The following UNC5C variants were observed in gnomAD, a reference collection of about 807,000 sequenced individuals.
UNC5C encodes the protein netrin receptor UNC5C.
UNC5C carries 47 observed loss-of-function variants against 99.8 expected under a neutral mutation model. That is an observed-to-expected ratio of 0.47 (90% CI 0.37 to 0.60). The LOEUF (loss-of-function observed/expected upper bound fraction) is 0.60, where lower values mean the gene tolerates loss of function less well. UNC5C is among the 20% of genes least tolerant of loss of function. The pLI is 0.00. For missense variants in UNC5C, 1,062 were observed against 1,165.9 expected (o/e 0.91, Z 1.30); for synonymous variants, 487 against 452.2 (o/e 1.08, Z -0.98).
chr4:95,280,236 ATT>A (rs1741007426), intron 3 of UNC5C, among the ~76,000 whole-genome samples: 1 of 152,156 alleles, frequency 6.6e-6, no homozygotes, highest in South Asian at 2.1e-4. Flanking sequence ...ATATTGTTGA[ATT>A]TCTCAGCAGA....
At chr4:95,493,607 ATTTC>A (rs1721561283) in intron 1 of UNC5C, among the ~76,000 whole-genome samples, 1 of 151,368 alleles carries the variant, frequency 6.6e-6, no homozygotes, top group South Asian at 2.1e-4. Flanking sequence ...TTTAAAAAAA[ATTTC>A]TTTCAAATTT....
At chr4:95,539,679 C>T (rs1354732330) in intron 1 of UNC5C, among the ~76,000 whole-genome samples, 1 of 152,096 alleles carries the variant, frequency 6.6e-6, no homozygotes, top group Non-Finnish European at 1.5e-5. Context: ...TTTGTGTAAG[C>T]ACATATATGC....
chr4:95,331,049 T>C (rs187599065), intron 2 of UNC5C, among the ~76,000 whole-genome samples: 3 of 152,248 alleles, frequency 2.0e-5, no homozygotes, highest in East Asian at 3.9e-4. Flanking sequence ...CTCTCACAAG[T>C]GAGAATATGT....
chr4:95,236,739 TC>T (rs1418255735), intron 7 of UNC5C, among the ~76,000 whole-genome samples: 16 of 152,290 alleles, frequency 1.1e-4, no homozygotes, highest in Non-Finnish European at 1.6e-4. Flanking sequence ...CATATATAAA[TC>T]CATATTCTGC....
At chr4:95,376,001 C>T (rs554363069) in intron 1 of UNC5C, among the ~76,000 whole-genome samples, 3 of 151,836 alleles carry the variant, frequency 2.0e-5, no homozygotes, top group South Asian at 4.2e-4. Context: ...TGCAGTGAGC[C>T]GAGATCATGC....
intron 1 of UNC5C, among the ~76,000 whole-genome samples, chr4:95,336,487 T>G (rs1743342732): frequency 6.6e-6 from 1 of 151,926 alleles, no homozygotes; most frequent in African/African-American, 2.4e-5. Context: ...GTACGTATAT[T>G]CAGTAGTAAA....
intron 2 of UNC5C, among the ~76,000 whole-genome samples, chr4:95,311,674 T>A (rs556672944): frequency 6.6e-6 from 1 of 152,324 alleles, no homozygotes; most frequent in East Asian, 1.9e-4. Flanking sequence ...AGTCATTCAT[T>A]CAATAGATAT....
intron 2 of UNC5C, among the ~76,000 whole-genome samples, chr4:95,303,638 T>G (rs1741956159): frequency 6.6e-6 from 1 of 152,218 alleles, no homozygotes; most frequent in Admixed American, 6.5e-5. Context: ...ATCGCACCAC[T>G]GCACTTCAGC....
At chr4:95,243,388 T>A (rs1224310733) in intron 6 of UNC5C, among the ~76,000 whole-genome samples, 1 of 152,080 alleles carries the variant, frequency 6.6e-6, no homozygotes, top group Non-Finnish European at 1.5e-5. Flanking sequence ...ACAACTTAAG[T>A]CTCAGTTTGA....
At chr4:95,302,212 T>C (rs1386136418) in intron 2 of UNC5C, among the ~76,000 whole-genome samples, 1 of 152,210 alleles carries the variant, frequency 6.6e-6, no homozygotes, top group African/African-American at 2.4e-5. Flanking sequence ...GTGTTTCAAT[T>C]AAATGGCACA....
chr4:95,348,464 T>C (rs1238267152), intron 1 of UNC5C, among the ~76,000 whole-genome samples: 3 of 151,634 alleles, frequency 2.0e-5, no homozygotes, highest in African/African-American at 7.3e-5. Flanking sequence ...TGCACTCCCA[T>C]GTTCATTGTA....
intron 1 of UNC5C, among the ~76,000 whole-genome samples, chr4:95,337,265 T>C (rs980842170): frequency 2.0e-5 from 3 of 152,082 alleles, no homozygotes; most frequent in African/African-American, 7.2e-5. Flanking sequence ...ACATAAAACA[T>C]GTGACTGTAT....
rs538139627 is a variant in UNC5C, at chr4:95,400,965, T to C, written c.125-65334A>G. 3.3e-5 allele frequency among the ~76,000 whole-genome samples: 5 copies of C among 152,346 alleles called. No homozygotes were observed. In the South Asian group the frequency reaches 8.3e-4, roughly 25 times the overall value. On this transcript the variant is annotated intron_variant, in intron 1 of 15. Coordinates refer to ENST00000453304, the MANE Select transcript of UNC5C (RefSeq NM_003728.4). ...CTGCCAAATCACATATGGAGCCAAA[T>C]TGCCAGCAAACGGATTCTTTCTTCA...
At chr4:95,341,999 C>T (rs570739463) in intron 1 of UNC5C, among the ~76,000 whole-genome samples, 6 of 152,282 alleles carry the variant, frequency 3.9e-5, no homozygotes, top group South Asian at 2.1e-4. Context: ...CCATCCTTAC[C>T]GTCAGAACCT....
chr4:95,383,752 G>T (rs1287286349), intron 1 of UNC5C, among the ~76,000 whole-genome samples: 3 of 152,074 alleles, frequency 2.0e-5, no homozygotes. Context: ...TATTGCATTT[G>T]TGATAAAATT....
chr4:95,261,809 T>C (rs1740244807), intron 4 of UNC5C, among the ~76,000 whole-genome samples: 1 of 151,998 alleles, frequency 6.6e-6, no homozygotes, highest in Non-Finnish European at 1.5e-5. Flanking sequence ...GTTCAAGCAA[T>C]TCTCCTACCT....
At chr4:95,187,889 T>A (rs991549941) in intron 12 of UNC5C, among the ~76,000 whole-genome samples, 5 of 152,072 alleles carry the variant, frequency 3.3e-5, no homozygotes, top group African/African-American at 1.2e-4. Context: ...ACATAAACCC[T>A]GGGGAAAGAC....
At chr4:95,481,761 G>T (rs1389413601) in intron 1 of UNC5C, among the ~76,000 whole-genome samples, 1 of 152,100 alleles carries the variant, frequency 6.6e-6, no homozygotes, top group East Asian at 1.9e-4. Context: ...AATGGGGAAA[G>T]GATTCCCTAT....
At chr4:95,523,983 C>G (rs926601047) in intron 1 of UNC5C, among the ~76,000 whole-genome samples, 1 of 152,136 alleles carries the variant, frequency 6.6e-6, no homozygotes, top group Non-Finnish European at 1.5e-5. Context: ...AAGTTTAATG[C>G]ACGAGAGAAG....
Sources: allele counts gnomAD v4.1 joint callset (sites outside exome capture counted in the v4.1 genomes callset), GRCh38; gene constraint gnomAD v4.1.1; transcripts MANE v1.5; gene names NCBI Gene and HGNC (gene_info 2026-07-23, HGNC 2026-07-21).